Variants in JPH2 observed in about 807,000 individuals in gnomAD.
JPH2 encodes junctophilin-2.
JPH2 carries 38 observed loss-of-function variants against 55.9 expected under a neutral mutation model. The observed-to-expected ratio is 0.68, with a 90% confidence interval of 0.52 to 0.89. The LOEUF is 0.89. Ranked by LOEUF, JPH2 falls within the 40% of genes least tolerant of loss-of-function variation. JPH2 has a pLI of 0.00. For synonymous variants in JPH2, 480 were observed against 472.4 expected (o/e 1.02, Z -0.21); for missense variants, 964 against 1,037.6 (o/e 0.93, Z 0.97).
chr20:44,112,608 C>T lies in JPH2; in HGVS notation c.*910G>A, dbSNP rs2072154001. 6.6e-6 allele frequency: 1 copy of T among 152,236 alleles called. No homozygotes were observed. The highest frequency in any genetic ancestry group is 1.5e-5 in the Non-Finnish European group (1 of 68,086). 9.4% of individuals were successfully genotyped at this position (152,236 alleles called of 1,614,324 possible). On this transcript the variant is annotated 3_prime_UTR_variant, in exon 6 of 6. Coordinates refer to ENST00000372980, the MANE Select transcript of JPH2 (RefSeq NM_020433.5). ...TGCTCCCCTGAGCTTTCGGTGGGCC[C>T]TGATGGGGGAGGAGACAAGCCATTT...
intron 3 of JPH2, among the ~76,000 whole-genome samples, chr20:44,117,959 GT>G (rs1258017186): frequency 1.3e-5 from 2 of 152,332 alleles, no homozygotes; most frequent in African/African-American, 4.8e-5. Flanking sequence ...GGAAACTGAG[GT>G]TTACAGAGGT....
At chr20:44,131,992 C>A (rs1382185580) in intron 2 of JPH2, among the ~76,000 whole-genome samples, 1 of 152,162 alleles carries the variant, frequency 6.6e-6, no homozygotes, top group Non-Finnish European at 1.5e-5. Context: ...GTGACTTTGC[C>A]TTTCTCTGAT....
rs115269160 is a variant in JPH2, at chr20:44,123,765, G to A, written c.1170-5142C>T. Among the ~76,000 whole-genome samples, 768 of 152,340 alleles carry A rather than the reference G, an allele frequency of 5.0e-3. 4 individuals are homozygous for A. Among genetic ancestry groups the A allele is most frequent in the African/African-American group, 0.018 (743 of 41,580 alleles). Reference sequence around the variant, plus strand: ...ACTCATCGGAATTTGAAGGGAACGAGCCTAGGAATCTGTGTTTTATATTCC... The same window carrying A: ...ACTCATCGGAATTTGAAGGGAACGAACCTAGGAATCTGTGTTTTATATTCC... On this transcript the variant is annotated intron_variant, in intron 2 of 5. Transcript: ENST00000372980.
In JPH2 at chr20:44,187,183, G is replaced by T. The variant is rs2072856629; in HGVS notation, c.-478C>A. 4 of 176,774 alleles carry T rather than the reference G, an allele frequency of 2.3e-5. No individual in the cohort carries two copies. In the South Asian group the frequency reaches 5.3e-4, roughly 24 times the overall value. 11.0% of individuals were successfully genotyped at this position (176,774 alleles called of 1,614,324 possible). A position where few individuals can be genotyped will look rare whatever the true frequency, so the allele number is the denominator to read the frequency against. On this transcript the variant is annotated 5_prime_UTR_variant, in exon 1 of 6. Coordinates refer to ENST00000372980, the MANE Select transcript of JPH2 (RefSeq NM_020433.5). ...TTCTCCACCCCAGTGGGTGTGCGGG[G>T]CTGTCGGTCTCCCCGCCGCTGCCCC...
At position 44,160,550 on chromosome 20, in the gene JPH2, T is replaced by A; in HGVS notation, c.380-143A>T. The A allele has an allele frequency of 2.5e-6, 2 of 811,422 alleles. No individual in the cohort carries two copies. The highest frequency in any genetic ancestry group is 2.0e-5 in the Admixed American group (1 of 49,594). 50.3% of individuals were successfully genotyped at this position (811,422 alleles called of 1,614,324 possible). On this transcript the variant is annotated intron_variant, in intron 1 of 5. Coordinates refer to ENST00000372980, the MANE Select transcript of JPH2 (RefSeq NM_020433.5). The surrounding 1 kb of genome is among the most constrained non-coding windows in gnomAD (Gnocchi z 4.9). ...GCCGTCTGAGGGTCAGGGTGCACAG[T>A]GCTATGAGTGTTTGAGTCTACTCGA... is the stretch of plus-strand genomic sequence containing the variant.
chr20:44,185,064 C>T (rs1183329879), intron 1 of JPH2, among the ~76,000 whole-genome samples: 5 of 152,288 alleles, frequency 3.3e-5, no homozygotes, highest in South Asian at 4.1e-4. Context: ...GCGTGAGCCA[C>T]GGAGTCCAAG....
chr20:44,185,460 C>CAAA (rs761422442), intron 1 of JPH2, among the ~76,000 whole-genome samples: 148 of 45,756 alleles, frequency 3.2e-3, no homozygotes, highest in African/African-American at 9.1e-3. Context: ...CCTGTCTCTA[C>CAAA]AAAAAAAAAA....
At chr20:44,129,258 G>C (rs573757609) in intron 2 of JPH2, among the ~76,000 whole-genome samples, 12 of 152,228 alleles carry the variant, frequency 7.9e-5, no homozygotes, top group Admixed American at 5.9e-4. Flanking sequence ...AAAGTAATAA[G>C]TGTTGCTGCT....
intron 2 of JPH2, among the ~76,000 whole-genome samples, chr20:44,153,197 G>A (rs2072543381): frequency 6.6e-6 from 1 of 152,178 alleles, no homozygotes; most frequent in African/African-American, 2.4e-5. Flanking sequence ...GAATGACACA[G>A]GATTGATAAT....
intron 2 of JPH2, among the ~76,000 whole-genome samples, chr20:44,142,249 T>C (rs2072462516): frequency 6.6e-6 from 1 of 152,178 alleles, no homozygotes; most frequent in African/African-American, 2.4e-5. Flanking sequence ...ATCTGTGCTG[T>C]CCCAGCTATC....
Position 44,178,103 on chromosome 20 carries a change from CAT to C in JPH2, c.379+8222_379+8223del, listed in dbSNP as rs546748878. On this transcript the variant is annotated intron_variant, in intron 1 of 5. Transcript: ENST00000372980. ...CTAAGTCTCAGTTGCTTAAATATCA[CAT>C]GTCTTCCTTTAGTAATATCAGATTC... 1.3e-4 allele frequency: 97 copies of C among 747,620 alleles called. 1 individual carries two copies. In the East Asian group the frequency reaches 1.3e-3, roughly 10 times the overall value. 46.3% of individuals were successfully genotyped at this position (747,620 alleles called of 1,614,324 possible).
intron 3 of JPH2, among the ~76,000 whole-genome samples, chr20:44,117,054 G>A (rs961297604): frequency 2.0e-5 from 3 of 152,242 alleles, no homozygotes; most frequent in Admixed American, 6.5e-5. Context: ...GCCGAGGCGC[G>A]CGGATCACAA....
At chr20:44,164,781 A>C (rs1305824849) in intron 1 of JPH2, among the ~76,000 whole-genome samples, 1 of 151,940 alleles carries the variant, frequency 6.6e-6, no homozygotes, top group East Asian at 1.9e-4. Context: ...AATAGAATGC[A>C]AAAGGGCACA....
At chr20:44,120,779 T>C (rs1047559211) in intron 2 of JPH2, among the ~76,000 whole-genome samples, 5 of 152,206 alleles carry the variant, frequency 3.3e-5, no homozygotes, top group Admixed American at 2.0e-4. Flanking sequence ...AACATTTTAA[T>C]AGAGTTTACG....
chr20:44,171,744 C>T (rs1336125202), intron 1 of JPH2, among the ~76,000 whole-genome samples: 7 of 152,236 alleles, frequency 4.6e-5, no homozygotes, highest in South Asian at 2.1e-4. Context: ...TCCTCAAGGA[C>T]GCCTTCTCTG....
intron 2 of JPH2, among the ~76,000 whole-genome samples, chr20:44,149,977 A>G (rs2072520428): frequency 6.6e-6 from 1 of 151,856 alleles, no homozygotes. Flanking sequence ...AAAAAAAAAA[A>G]AAAAAAAAAA....
chr20:44,185,605 A>C (rs2072829233), intron 1 of JPH2, among the ~76,000 whole-genome samples: 1 of 151,520 alleles, frequency 6.6e-6, no homozygotes, highest in African/African-American at 2.4e-5. Flanking sequence ...ACAACACTCC[A>C]GCCTGGGCAA....
chr20:44,175,277 G>A (rs750893203), intron 1 of JPH2, among the ~76,000 whole-genome samples: 2 of 152,190 alleles, frequency 1.3e-5, no homozygotes, highest in Non-Finnish European at 2.9e-5. Context: ...TTGCCAAATG[G>A]CTTTTGTTCA....
chr20:44,180,677 A>T (rs6031440), intron 1 of JPH2, among the ~76,000 whole-genome samples: 102,665 of 152,020 alleles, frequency 0.68, 35,229 homozygotes, highest in East Asian at 0.83. Flanking sequence ...GGTGGGATTA[A>T]TAAAGTCATC....
Sources: allele counts gnomAD v4.1 joint callset (sites outside exome capture counted in the v4.1 genomes callset), GRCh38; gene constraint gnomAD v4.1.1; non-coding constraint Gnocchi (gnomAD v3.1); transcripts MANE v1.5; gene names NCBI Gene and HGNC (gene_info 2026-07-23, HGNC 2026-07-21).